The following UNK variants were observed in gnomAD, a reference collection of about 807,000 sequenced individuals.
The protein encoded by UNK is RING finger protein unkempt homolog.
A neutral mutation model predicts 97.6 loss-of-function variants in UNK; 32 were observed. The observed-to-expected ratio is 0.33, with a 90% CI of 0.25 to 0.44. The LOEUF (loss-of-function observed/expected upper bound fraction) is 0.44, where lower values mean the gene tolerates loss of function less well. Among genes scored for constraint, UNK ranks in the 20% least tolerant of loss-of-function variants. The probability of loss-of-function intolerance (pLI) is 1.00; values close to 1 mark genes in which losing one functional copy is unlikely to be tolerated. For synonymous variants in UNK, 441 were observed against 461.2 expected (o/e 0.96, Z 0.56); for missense variants, 771 against 1,098.4 (o/e 0.70, Z 4.21).
intron 1 of UNK, chr17:75,794,255 G>C (rs1057093792): frequency 1.2e-6 from 1 of 807,846 alleles, no homozygotes; most frequent in Non-Finnish European, 1.5e-6. Flanking sequence ...TGGCCTGTCC[G>C]AAACTCTCTG....
chr17:75,813,065 G>C lies in UNK; in HGVS notation c.623-13G>C, dbSNP rs909491403. The C allele has an allele frequency of 3.8e-6, 6 of 1,579,766 alleles. No individual in the cohort carries two copies. The highest frequency in any genetic ancestry group is 5.2e-6 in the Non-Finnish European group (6 of 1,162,270). The stretch of plus-strand genomic sequence containing the variant: ...CCTCTCACCTGACCCCTGCCCTCTG[G>C]CCCCCTGTGCAGAGACTGCTTATGT... On this transcript the variant is annotated splice_polypyrimidine_tract_variant and intron_variant, in intron 4 of 15. Coordinates refer to ENST00000589666, the MANE Select transcript of UNK (RefSeq NM_001080419.3).
chr17:75,813,462 G>T (rs1388111108), intron 5 of UNK, among the ~76,000 whole-genome samples: 2 of 152,242 alleles, frequency 1.3e-5, no homozygotes. Flanking sequence ...ATCCTGAGGG[G>T]AATGTGTTGA....
intron 1 of UNK, among the ~76,000 whole-genome samples, chr17:75,802,824 CAGT>C (rs1357247017): frequency 6.6e-6 from 1 of 152,134 alleles, no homozygotes. Flanking sequence ...GGAGCAATGT[CAGT>C]AGTCAATTAA....
chr17:75,817,296 G>C lies in UNK; in HGVS notation c.1105-30G>C, dbSNP rs375878854. The C allele has an allele frequency of 5.4e-4, 837 of 1,537,274 alleles. 2 individuals are homozygous for C. In the African/African-American group the frequency reaches 8.2e-3, roughly 15 times the overall value. ...ACGCACCAGCCTGCGCTGTGCCCAC[G>C]GGCCCACTCCCTCCCCTCCTTCTCC... is the stretch of plus-strand genomic sequence containing the variant. On this transcript the variant is annotated intron_variant, in intron 8 of 15. Coordinates refer to ENST00000589666, the MANE Select transcript of UNK (RefSeq NM_001080419.3). This position sits in a 1 kb window ranked among gnomAD's most constrained non-coding sequence, Gnocchi z 5.8.
At position 75,784,892 on chromosome 17, in the gene UNK, C is replaced by T. The variant is rs762176599; in HGVS notation, c.12C>T (p.Gly4=). The T allele has an allele frequency of 4.4e-6, 7 of 1,587,890 alleles. No individual in the cohort carries two copies. In the Admixed American group the frequency reaches 1.1e-4, roughly 25 times the overall value. Reference sequence around the variant, plus strand: ...AGGAAGACAAGACCATGTCGAAGGGCCCCGGGCCCGGCGGCTCCGCAGCTT... The same window carrying T: ...AGGAAGACAAGACCATGTCGAAGGGTCCCGGGCCCGGCGGCTCCGCAGCTT... MSK[G]PGPGGSAASS... The change falls in exon 1 of 16, where the codon GGC becomes GGT. Residue 4 remains glycine (G), a synonymous_variant. Coordinates refer to ENST00000589666, the MANE Select transcript of UNK (RefSeq NM_001080419.3).
chr17:75,808,594 C>T (rs1266553848), intron 1 of UNK, among the ~76,000 whole-genome samples: 1 of 152,124 alleles, frequency 6.6e-6, no homozygotes, highest in African/African-American at 2.4e-5. Flanking sequence ...CCCCTTCCTC[C>T]TTCCTGCATC....
chr17:75,806,831 C>T (rs2061923315), intron 1 of UNK, among the ~76,000 whole-genome samples: 1 of 152,136 alleles, frequency 6.6e-6, no homozygotes, highest in Non-Finnish European at 1.5e-5. Flanking sequence ...GGTTGAGCAC[C>T]ATGCAGTGTC....
At chr17:75,812,023 CAAA>C in intron 2 of UNK, 86 bp from the exon 3 acceptor site, 2 of 1,406,804 alleles carry the variant, frequency 1.4e-6, no homozygotes, top group Non-Finnish European at 1.9e-6. Context: ...ACAACAACAA[CAAA>C]AACAGTTGGG....
In UNK at chr17:75,813,156, G is replaced by A; in HGVS notation, c.701G>A (p.Cys234Tyr). ...PPRLCRQGYACPYYHNSKDRR... is the reference protein window; with the variant it reads ...PPRLCRQGYAYPYYHNSKDRR... ...CGGCTGTGCCGCCAAGGCTATGCCT[G>A]TCCCTACTACCACAACAGCAAGGAC... is the stretch of plus-strand genomic sequence containing the variant. The change falls in exon 5 of 16, where the codon TGT (cysteine) becomes TAT (tyrosine). Residue 234 changes from cysteine (C) to tyrosine (Y), a missense_variant. Physicochemically the swap from Cys to Tyr is radical, Grantham distance 194. Coordinates refer to ENST00000589666, the MANE Select transcript of UNK (RefSeq NM_001080419.3). The A allele has an allele frequency of 6.3e-7, 1 of 1,592,504 alleles. No individual in the cohort carries two copies. Among genetic ancestry groups the A allele is most frequent in the Non-Finnish European group, 8.5e-7 (1 of 1,169,878 alleles).
chr17:75,812,706 C>A, intron 4 of UNK, 121 bp downstream of exon 4: 1 of 1,386,788 alleles, frequency 7.2e-7, no homozygotes, highest in Non-Finnish European at 9.5e-7. Flanking sequence ...GCCCGCATCC[C>A]ACCCTACACC....
chr17:75,813,089 G>T lies in UNK; in HGVS notation c.634G>T (p.Val212Leu). ...EEPRWQETAY[V>L]LGNYKTEPCK... ...GGCCCCCTGTGCAGAGACTGCTTAT[G>T]TGCTGGGGAACTATAAGACGGAGCC... Residue 212 changes from valine to leucine, a missense_variant, in exon 5 of 16, where the codon GTG becomes TTG. Physicochemically the swap from Val to Leu is conservative, Grantham distance 32. This residue lies in a region of UNK where 246 missense variants were observed against 440.7 expected (regional missense o/e 0.56). Transcript: ENST00000589666. 6.3e-7 allele frequency: 1 copy of T among 1,587,524 alleles called. No homozygotes were observed.
chr17:75,809,609 A>G, intron 1 of UNK, 151 bp from the exon 2 acceptor site: 1 of 791,664 alleles, frequency 1.3e-6, no homozygotes, highest in Non-Finnish European at 2.0e-6. Flanking sequence ...GCTGAGGTGT[A>G]GCCTTACAGC....
At chr17:75,800,041 C>G (rs1028641693) in intron 1 of UNK, among the ~76,000 whole-genome samples, 12 of 152,196 alleles carry the variant, frequency 7.9e-5, no homozygotes, top group African/African-American at 2.9e-4. Context: ...AGCCTGCTGC[C>G]TGCTTTTTTA....
intron 1 of UNK, among the ~76,000 whole-genome samples, chr17:75,799,533 G>A (rs1481421660): frequency 6.6e-6 from 1 of 152,158 alleles, no homozygotes; most frequent in Non-Finnish European, 1.5e-5. Flanking sequence ...TGCTGGGTTC[G>A]TGCAGAGCTG....
Position 75,823,497 on chromosome 17 carries a change from G to A in UNK, c.2252G>A (p.Arg751Gln), listed in dbSNP as rs531397930. Residue 751 changes from arginine (R) to glutamine (Q), a missense_variant, in exon 15 of 16, where the codon CGG becomes CAG. Around this residue, in one of 5 missense-constraint regions of UNK, gnomAD observed 208 missense variants for 257.4 expected, o/e 0.81. Transcript: ENST00000589666. ...CTCTACTCCCTCCAGAAACAACTGC[G>A]GGCCCACCTGGAACAAGTGGACAAG... The part of the protein sequence containing the change: ...STLYSLQKQL[R>Q]AHLEQVDKAV... 10 of 1,564,734 alleles carry A rather than the reference G, an allele frequency of 6.4e-6. No homozygotes were observed. In the East Asian group the frequency reaches 6.9e-5, roughly 11 times the overall value.
chr17:75,788,319 G>A (rs951805267), intron 1 of UNK, among the ~76,000 whole-genome samples: 5 of 151,794 alleles, frequency 3.3e-5, no homozygotes, highest in African/African-American at 1.2e-4. Context: ...AGCTGGGACT[G>A]CAGGCACACG....
intron 1 of UNK, chr17:75,792,603 A>AGT: frequency 5.6e-6 from 3 of 537,384 alleles, no homozygotes; most frequent in South Asian, 8.1e-5. Context: ...TACCATATAG[A>AGT]TAACTCTATA....
chr17:75,823,633 T>C (rs952748098), intron 15 of UNK, 111 bp downstream of exon 15: 2 of 1,381,596 alleles, frequency 1.4e-6, no homozygotes, highest in Non-Finnish European at 1.9e-6. Flanking sequence ...TGAGAGCCTC[T>C]GCCCAGCACT....
rs2143804712 is a variant in UNK, at chr17:75,817,055, T to C, written c.1104+143T>C. 6.7e-6 allele frequency: 9 copies of C among 1,351,402 alleles called. No individual in the cohort carries two copies. The South Asian group carries it at 1.2e-4, about 18-fold the overall frequency. The allele number at this position is 1,351,402 out of a possible 1,614,324, so 83.7% of individuals were successfully genotyped here. On this transcript the variant is annotated intron_variant, in intron 8 of 15. Coordinates refer to ENST00000589666, the MANE Select transcript of UNK (RefSeq NM_001080419.3). This position sits in a 1 kb window ranked among gnomAD's most constrained non-coding sequence, Gnocchi z 5.8. The stretch of plus-strand genomic sequence containing the variant: ...GGGATCTGTCTTTTCCATCTCAGCA[T>C]TCTTCGTCAAAAGTCCAGGCCCGGG...
Sources: gnomAD v4.1 joint callset for allele counts (sites outside exome capture counted in the v4.1 genomes callset) on GRCh38, gnomAD v4.1.1 for gene constraint, gnomAD v4.1.1 regional missense constraint, Gnocchi (gnomAD v3.1) non-coding constraint, MANE v1.5 for transcripts, NCBI Gene and HGNC (gene_info 2026-07-23, HGNC 2026-07-21) for gene names.